The following GIT2 variants were observed in gnomAD, a reference collection of about 807,000 sequenced individuals.
GIT2 encodes ARF GTPase-activating protein GIT2.
A neutral mutation model predicts 100.3 loss-of-function variants in GIT2; 32 were observed. The observed-to-expected ratio is 0.32, with a 90% CI of 0.24 to 0.43. GIT2 has a LOEUF of 0.43. GIT2 is among the 20% of genes least tolerant of loss of function. The probability of loss-of-function intolerance (pLI) is 1.00; values close to 1 mark genes in which losing one functional copy is unlikely to be tolerated. For synonymous variants in GIT2, 353 were observed against 364.1 expected (o/e 0.97, Z 0.35); for missense variants, 737 against 975.1 (o/e 0.76, Z 3.25).
intron 16 of GIT2, among the ~76,000 whole-genome samples, chr12:109,941,983 C>T (rs1020482916): frequency 2.0e-5 from 3 of 152,054 alleles, no homozygotes; most frequent in African/African-American, 7.2e-5. Context: ...TGCCACCACG[C>T]TTGGCTAATT....
intron 12 of GIT2, among the ~76,000 whole-genome samples, chr12:109,955,316 C>T (rs1301724652): frequency 8.6e-5 from 13 of 151,966 alleles, no homozygotes; most frequent in East Asian, 1.9e-4. Flanking sequence ...TTAGTAGAGA[C>T]GGGGTTTCAC....
intron 18 of GIT2, 36 bp downstream of exon 18, chr12:109,938,344 A>G (rs1236167344): frequency 2.0e-6 from 3 of 1,513,364 alleles, no homozygotes; most frequent in South Asian, 1.2e-5. Context: ...CGCATAACTC[A>G]TGCTCTCCCA....
upstream of GIT2, chr12:109,999,110 T>A (rs1353176501): frequency 6.6e-6 from 1 of 152,230 alleles, no homozygotes; most frequent in African/African-American, 2.4e-5. This position sits in a 1 kb window ranked among gnomAD's most constrained non-coding sequence, Gnocchi z 4.3. Context: ...GCAGCTGGAA[T>A]GGTTTGGTCC....
chr12:109,995,369 T>C (rs576756341), intron 1 of GIT2, among the ~76,000 whole-genome samples: 1 of 152,310 alleles, frequency 6.6e-6, no homozygotes, highest in South Asian at 2.1e-4. Context: ...TAGTCAAATA[T>C]AGCTTTAAGG....
chr12:109,983,589 G>T lies in GIT2; in HGVS notation c.492+19C>A. The T allele has an allele frequency of 6.3e-7, 1 of 1,595,328 alleles. No homozygotes were observed. Among genetic ancestry groups the T allele is most frequent in the Non-Finnish European group, 8.6e-7 (1 of 1,163,104 alleles). On this transcript the variant is annotated intron_variant, in intron 5 of 19. Coordinates refer to ENST00000355312, the MANE Select transcript of GIT2 (RefSeq NM_057169.5). The stretch of plus-strand genomic sequence containing the variant: ...AACTCACTTAGTTTCAATATCTGAA[G>T]CAATTCATGTTTTCTTACAGGATGA...
In GIT2 at chr12:109,939,169, T is replaced by A; in HGVS notation, c.1810A>T (p.Met604Leu). 1 of 1,600,168 alleles carries A rather than the reference T, an allele frequency of 6.2e-7. No individual in the cohort carries two copies. The highest frequency in any genetic ancestry group is 8.6e-7 in the Non-Finnish European group (1 of 1,167,498). Residue 604 changes from methionine (M) to leucine (L), a missense_variant, in exon 17 of 20, where the codon ATG becomes TTG. This residue lies in a region of GIT2 where 451 missense variants were observed against 543.7 expected (regional missense o/e 0.83). Transcript: ENST00000355312. The stretch of plus-strand genomic sequence containing the variant: ...ACGCTCGTCCTGTGCATGTACCCCA[T>A]GCCATCTGGCTCCATGTCGTTGGGA... ...NTPNDMEPDG[M>L]GSSRKGRQRS...
intron 1 of GIT2, among the ~76,000 whole-genome samples, chr12:109,995,741 G>A (rs1034159354): frequency 2.0e-5 from 3 of 152,170 alleles, no homozygotes; most frequent in Non-Finnish European, 2.9e-5. Context: ...CGAGTCTCAG[G>A]GAGTGTCATC....
At chr12:109,953,041 A>T (rs371714609) in intron 13 of GIT2, 51 bp downstream of exon 13, 1 of 1,596,958 alleles carries the variant, frequency 6.3e-7, no homozygotes, top group Non-Finnish European at 8.6e-7. Context: ...TGGCAGGGCT[A>T]GCCCTCAGCT....
chr12:109,956,369 A>G (rs12299959), intron 12 of GIT2, among the ~76,000 whole-genome samples: 105 of 152,302 alleles, frequency 6.9e-4, no homozygotes, highest in African/African-American at 2.5e-3. Context: ...ACCAATGAAA[A>G]GCACACAAAT....
Position 109,983,408 on chromosome 12 carries a change from C to G in GIT2, c.588G>C (p.Gln196His). ...CAACGGGAGTTTTCCCACTAGAATC[C>G]TGTGTGCCTGGGTCTGCTCCATATA... ...LAVYGADPGT[Q>H]DSSGKTPVDY... The change falls in exon 6 of 20, where the codon CAG (glutamine) becomes CAC (histidine). Residue 196 changes from glutamine to histidine, a missense_variant. This residue lies in a region of GIT2 where 266 missense variants were observed against 376.2 expected (regional missense o/e 0.71). Coordinates refer to ENST00000355312, the MANE Select transcript of GIT2 (RefSeq NM_057169.5). 1 of 1,613,892 alleles carries G rather than the reference C, an allele frequency of 6.2e-7. No homozygotes were observed. Among genetic ancestry groups the G allele is most frequent in the Non-Finnish European group, 8.5e-7 (1 of 1,179,804 alleles).
At position 109,965,443 on chromosome 12, in the gene GIT2, A is replaced by G. The variant is rs961706004; in HGVS notation, c.816+83T>C. 1.7e-5 allele frequency: 13 copies of G among 769,992 alleles called. No individual in the cohort carries two copies. In the Admixed American group the frequency reaches 2.4e-4, roughly 14 times the overall value. The allele number at this position is 769,992 out of a possible 1,614,324, so 47.7% of individuals were successfully genotyped here. ...GTATGAAATAAAGTCATCAGACGCA[A>G]TAGGTAACCTGCATTCAGAGTAGGT... On this transcript the variant is annotated intron_variant, in intron 9 of 19. Coordinates refer to ENST00000355312, the MANE Select transcript of GIT2 (RefSeq NM_057169.5).
At chr12:109,951,381 A>C in intron 13 of GIT2, 65 bp from the exon 14 acceptor site, 9 of 1,339,086 alleles carry the variant, frequency 6.7e-6, no homozygotes, top group Non-Finnish European at 8.5e-6. Flanking sequence ...CTAACAGCTC[A>C]AGAATTTCAA....
intron 7 of GIT2, among the ~76,000 whole-genome samples, chr12:109,974,358 C>G (rs949811943): frequency 7.9e-5 from 12 of 152,086 alleles, no homozygotes; most frequent in African/African-American, 2.9e-4. Flanking sequence ...GAAACCCCAT[C>G]TCTACTAAAA....
At chr12:109,999,603 C>T, upstream of GIT2, 1 of 1,174,080 alleles carries the variant, frequency 8.5e-7, no homozygotes, top group South Asian at 1.6e-5. The surrounding 1 kb of genome is among the most constrained non-coding windows in gnomAD (Gnocchi z 4.3). Flanking sequence ...GCTCGCCGGC[C>T]TCAGGGCAGG....
chr12:109,972,885 C>T (rs931196783), intron 7 of GIT2, among the ~76,000 whole-genome samples: 7 of 152,136 alleles, frequency 4.6e-5, no homozygotes, highest in Non-Finnish European at 8.8e-5. Context: ...TACAGTGGTG[C>T]GAACACAGCT....
At chr12:109,971,599 T>C (rs368929372) in intron 7 of GIT2, among the ~76,000 whole-genome samples, 2 of 151,998 alleles carry the variant, frequency 1.3e-5, no homozygotes, top group African/African-American at 4.8e-5. Flanking sequence ...GCTGGGATTA[T>C]AGGTGTGAGC....
In GIT2 at chr12:109,936,868, C is replaced by CA. The variant is rs112015119; in HGVS notation, c.2003+1511dup. Among the ~76,000 whole-genome samples, 432 of 91,616 alleles carry CA rather than the reference C, an allele frequency of 4.7e-3. 2 individuals carry two copies. The highest frequency in any genetic ancestry group is 0.029 in the South Asian group (81 of 2,838). 60.1% of individuals were successfully genotyped at this position (91,616 alleles called of 152,430 possible). A position where few individuals can be genotyped will look rare whatever the true frequency, so the allele number is the denominator to read the frequency against. On this transcript the variant is annotated intron_variant, in intron 18 of 19. Coordinates refer to ENST00000355312, the MANE Select transcript of GIT2 (RefSeq NM_057169.5). ...TGGGTGACAGAGCAAGACTCTGTCT[C>CA]AAAAAAAAAAAAAAAAGCTCTGTAC... is the stretch of plus-strand genomic sequence containing the variant.
chr12:109,983,332 A>T (rs1328454014), intron 6 of GIT2, 41 bp downstream of exon 6: 1 of 1,597,550 alleles, frequency 6.3e-7, no homozygotes, highest in African/African-American at 1.3e-5. Context: ...CACCCAACAA[A>T]AAAATCCCAG....
chr12:109,982,428 T>A (rs1461010256), intron 6 of GIT2: 1 of 152,182 alleles, frequency 6.6e-6, no homozygotes, highest in Non-Finnish European at 1.5e-5. Context: ...TCCAAGAGAG[T>A]AAATTCTGGG....
Sources: allele counts gnomAD v4.1 joint callset (sites outside exome capture counted in the v4.1 genomes callset), GRCh38; gene constraint gnomAD v4.1.1; regional missense constraint gnomAD v4.1.1; non-coding constraint Gnocchi (gnomAD v3.1); transcripts MANE v1.5; gene names NCBI Gene and HGNC (gene_info 2026-07-23, HGNC 2026-07-21).